RALYL: variants seen among roughly 807,000 people sequenced by gnomAD.
The protein encoded by RALYL is RALY RNA binding protein like, also known as RNA-binding Raly-like protein.
A neutral mutation model predicts 35.1 loss-of-function variants in RALYL; 29 were observed. The ratio of observed to expected loss-of-function variants is 0.83; its 90% confidence interval spans 0.61 to 1.13. The LOEUF is 1.13. RALYL is among the 50% of genes most tolerant of loss of function. The probability of loss-of-function intolerance (pLI) is 0.00; values close to 1 mark genes in which losing one functional copy is unlikely to be tolerated. For synonymous variants in RALYL, 120 were observed against 127.6 expected (o/e 0.94, Z 0.40); for missense variants, 359 against 360.4 (o/e 1.00, Z 0.03).
intron 3 of RALYL, among the ~76,000 whole-genome samples, chr8:84,802,500 A>G (rs1418944327): frequency 6.6e-6 from 1 of 152,098 alleles, no homozygotes; most frequent in East Asian, 1.9e-4. Flanking sequence ...ACTATTAATA[A>G]CTAGCTAGTC....
At chr8:84,759,029 A>G (rs895331699) in intron 2 of RALYL, among the ~76,000 whole-genome samples, 1 of 152,236 alleles carries the variant, frequency 6.6e-6, no homozygotes, top group African/African-American at 2.4e-5. Flanking sequence ...AGCCTCCTGT[A>G]TTCCTTTCCT....
intron 2 of RALYL, among the ~76,000 whole-genome samples, chr8:84,577,276 TTGAC>T (rs1473430456): frequency 6.6e-6 from 1 of 152,208 alleles, no homozygotes; most frequent in Non-Finnish European, 1.5e-5. Context: ...AAGTAGTTGA[TTGAC>T]TGAAGCTGAG....
intron 1 of RALYL, among the ~76,000 whole-genome samples, chr8:84,278,048 A>T (rs1466826012): frequency 6.6e-6 from 1 of 152,220 alleles, no homozygotes; most frequent in Non-Finnish European, 1.5e-5. Context: ...CCAACCCCAC[A>T]TTCCCTTTCA....
intron 1 of RALYL, among the ~76,000 whole-genome samples, chr8:84,440,828 GCTACATAA>G: frequency 6.6e-6 from 1 of 151,664 alleles, no homozygotes; most frequent in African/African-American, 2.4e-5. Context: ...CTACATAATA[GCTACATAA>G]AAGTTTTTAG....
chr8:84,651,257 T>G (rs1318132317), intron 2 of RALYL, among the ~76,000 whole-genome samples: 2 of 151,564 alleles, frequency 1.3e-5, no homozygotes, highest in Non-Finnish European at 2.9e-5. Context: ...TAAAATAAAA[T>G]TTATTTAGAC....
intron 4 of RALYL, among the ~76,000 whole-genome samples, chr8:84,825,751 C>T (rs1216197176): frequency 6.6e-6 from 1 of 152,008 alleles, no homozygotes; most frequent in Non-Finnish European, 1.5e-5. Context: ...GACTGTAATC[C>T]CAGCTTCTTG....
chr8:84,920,788 C>A, intron 8 of RALYL, 106 bp from the exon 9 acceptor site: 1 of 439,750 alleles, frequency 2.3e-6, no homozygotes. Context: ...TTCCTTTATT[C>A]TTCCCCTGAT....
At chr8:84,729,770 A>G (rs1012659988) in intron 2 of RALYL, among the ~76,000 whole-genome samples, 17 of 152,236 alleles carry the variant, frequency 1.1e-4, no homozygotes, top group African/African-American at 3.8e-4. Context: ...ACGCAAATAA[A>G]CTAGAAAATC....
chr8:84,894,091 C>T (rs1449773638), intron 8 of RALYL, among the ~76,000 whole-genome samples: 1 of 152,150 alleles, frequency 6.6e-6, no homozygotes, highest in Admixed American at 6.6e-5. Flanking sequence ...TGAAAGTAAA[C>T]ATTCTGGTAC....
At chr8:84,434,921 C>T (rs959429582) in intron 1 of RALYL, among the ~76,000 whole-genome samples, 78 of 152,082 alleles carry the variant, frequency 5.1e-4, no homozygotes, top group Non-Finnish European at 9.1e-4. Flanking sequence ...ATAGTAATCC[C>T]TATTATTTCA....
At chr8:84,374,431 A>C (rs1391021632) in intron 1 of RALYL, among the ~76,000 whole-genome samples, 2 of 151,958 alleles carry the variant, frequency 1.3e-5, no homozygotes, top group African/African-American at 4.8e-5. Flanking sequence ...ATCAATGTTC[A>C]TTGCAGCACT....
chr8:84,359,516 T>TA (rs1563787367), intron 1 of RALYL, among the ~76,000 whole-genome samples: 1 of 152,070 alleles, frequency 6.6e-6, no homozygotes, highest in African/African-American at 2.4e-5. Context: ...CTTTCACTTT[T>TA]AAAAAAGAAG....
chr8:84,588,762 C>T (rs1178678981), intron 2 of RALYL, among the ~76,000 whole-genome samples: 1 of 152,156 alleles, frequency 6.6e-6, no homozygotes, highest in Non-Finnish European at 1.5e-5. Context: ...CACAGCCAGA[C>T]CTCAAATGGA....
At chr8:84,518,995 A>T (rs962620572) in intron 1 of RALYL, among the ~76,000 whole-genome samples, 1 of 152,182 alleles carries the variant, frequency 6.6e-6, no homozygotes, top group African/African-American at 2.4e-5. Flanking sequence ...TCAGTGGAGG[A>T]ATAAGAGGGA....
intron 7 of RALYL, among the ~76,000 whole-genome samples, chr8:84,880,904 A>G (rs978281949): frequency 4.6e-5 from 7 of 151,992 alleles, no homozygotes; most frequent in Non-Finnish European, 1.0e-4. Flanking sequence ...TTCACATCCC[A>G]CTAGAGACCT....
At chr8:84,571,309 T>G (rs1807922644) in intron 2 of RALYL, among the ~76,000 whole-genome samples, 1 of 151,798 alleles carries the variant, frequency 6.6e-6, no homozygotes, top group Non-Finnish European at 1.5e-5. Context: ...ATTGGTCTAT[T>G]AAGGGTATCT....
intron 1 of RALYL, among the ~76,000 whole-genome samples, chr8:84,235,620 T>A (rs1405399640): frequency 4.6e-5 from 7 of 152,222 alleles, no homozygotes; most frequent in Non-Finnish European, 1.5e-5. Flanking sequence ...ACAGTTTACC[T>A]TAGCAGAGAT....
chr8:84,270,042 G>A (rs945584723), intron 1 of RALYL, among the ~76,000 whole-genome samples: 1 of 151,998 alleles, frequency 6.6e-6, no homozygotes, highest in African/African-American at 2.4e-5. Flanking sequence ...TAACACTGCT[G>A]TGGACAAAAG....
chr8:84,364,778 C>T (rs1232672818), intron 1 of RALYL, among the ~76,000 whole-genome samples: 1 of 152,120 alleles, frequency 6.6e-6, no homozygotes, highest in Non-Finnish European at 1.5e-5. Flanking sequence ...TTCAGTTCAA[C>T]ATCTTTTCAT....
Sources: gnomAD v4.1 joint callset for allele counts (sites outside exome capture counted in the v4.1 genomes callset) on GRCh38, gnomAD v4.1.1 for gene constraint, MANE v1.5 for transcripts, NCBI Gene and HGNC (gene_info 2026-07-23, HGNC 2026-07-21) for gene names.